FMN1: variants seen among roughly 807,000 people sequenced by gnomAD.
The protein encoded by FMN1 is formin-1.
In FMN1, 110 loss-of-function variants were observed where a neutral mutation model predicts 132.4. The ratio of observed to expected loss-of-function variants is 0.83; its 90% CI spans 0.71 to 0.97. The LOEUF (loss-of-function observed/expected upper bound fraction) is 0.97. Ranked by LOEUF, FMN1 falls within the 50% of genes least tolerant of loss-of-function variation. The pLI is 0.00. For synonymous variants in FMN1, 722 were observed against 651.7 expected, an observed-to-expected ratio of 1.11 and a Z score of -1.64; for missense variants, 1,792 against 1,705.3, an observed-to-expected ratio of 1.05 and a Z score of -0.90.
intron 16 of FMN1, among the ~76,000 whole-genome samples, chr15:32,858,093 A>T (rs1303776254): frequency 6.6e-6 from 1 of 152,238 alleles, no homozygotes; most frequent in Non-Finnish European, 1.5e-5. Flanking sequence ...CACAAAATAG[A>T]GAAACATATA....
intron 3 of FMN1, among the ~76,000 whole-genome samples, chr15:33,178,709 T>A (rs1965598268): frequency 6.6e-6 from 1 of 152,222 alleles, no homozygotes; most frequent in African/African-American, 2.4e-5. Context: ...ACCTGATAGA[T>A]ACACTGGCAT....
At chr15:33,030,272 G>A (rs917351957) in intron 6 of FMN1, among the ~76,000 whole-genome samples, 7 of 152,238 alleles carry the variant, frequency 4.6e-5, no homozygotes, top group Non-Finnish European at 1.5e-5. Flanking sequence ...GAAGTGAGGA[G>A]AGGCCGGAAT....
intron 3 of FMN1, among the ~76,000 whole-genome samples, chr15:33,178,441 T>A (rs1965589133): frequency 6.6e-6 from 1 of 152,222 alleles, no homozygotes; most frequent in Non-Finnish European, 1.5e-5. Flanking sequence ...CATATCCTGC[T>A]CTCGGTCTCA....
chr15:33,038,386 T>G (rs7181654), intron 6 of FMN1, among the ~76,000 whole-genome samples: 1,812 of 152,348 alleles, frequency 0.012, 42 homozygotes, highest in African/African-American at 0.041. Flanking sequence ...TACATGGTTC[T>G]TTTTCATCCC....
In FMN1 at chr15:33,075,020, C is replaced by CAAAAAAAAAAA. The variant is rs57504432; in HGVS notation, c.2044-9957_2044-9947dup. 1.4e-3 allele frequency among the ~76,000 whole-genome samples: 85 copies of CAAAAAAAAAAA among 61,666 alleles called. 5 individuals carry two copies. The highest frequency in any genetic ancestry group is 1.7e-3 in the Non-Finnish European group (60 of 35,294). 40.5% of individuals were successfully genotyped at this position (61,666 alleles called of 152,430 possible). On this transcript the variant is annotated intron_variant, in intron 5 of 20. Coordinates refer to ENST00000616417, the MANE Select transcript of FMN1 (RefSeq NM_001277313.2). Reference sequence around the variant, plus strand: ...TGGGCAACTGAGCAAGATTCCATCTCAAAAAAAAAAAAAAAAAAAAAAAAA... The same window carrying CAAAAAAAAAAA: ...TGGGCAACTGAGCAAGATTCCATCTCAAAAAAAAAAAAAAAAAAAAAAAAAAAAAAAAAAAA...
intron 7 of FMN1, among the ~76,000 whole-genome samples, chr15:32,972,410 T>C (rs759091485): frequency 2.0e-5 from 3 of 152,232 alleles, no homozygotes; most frequent in Non-Finnish European, 4.4e-5. Flanking sequence ...TGCTTTATTT[T>C]TGTCATTCAT....
intron 3 of FMN1, among the ~76,000 whole-genome samples, chr15:33,162,046 C>A (rs1276903721): frequency 1.3e-5 from 2 of 152,022 alleles, no homozygotes; most frequent in East Asian, 3.9e-4. Flanking sequence ...GGGTCTCGCT[C>A]TGTCACCCAC....
At chr15:32,808,856 T>C (rs1237117265) in intron 17 of FMN1, among the ~76,000 whole-genome samples, 8 of 151,946 alleles carry the variant, frequency 5.3e-5, no homozygotes, top group Non-Finnish European at 1.5e-5. Context: ...CTGCTTTCAG[T>C]AGACAAGAAT....
chr15:33,136,214 T>G (rs1404865869), intron 4 of FMN1, among the ~76,000 whole-genome samples: 1 of 152,206 alleles, frequency 6.6e-6, no homozygotes, highest in African/African-American at 2.4e-5. Flanking sequence ...GCTGTTTACT[T>G]AGCAAGGTAC....
intron 6 of FMN1, among the ~76,000 whole-genome samples, chr15:33,027,187 A>G (rs1193225472): frequency 1.3e-5 from 2 of 152,082 alleles, no homozygotes; most frequent in Non-Finnish European, 2.9e-5. Flanking sequence ...TACGGACAGC[A>G]CTCTGGTCTT....
intron 5 of FMN1, chr15:33,067,112 C>A: frequency 1.2e-6 from 2 of 1,613,982 alleles, no homozygotes; most frequent in Non-Finnish European, 1.7e-6. Flanking sequence ...AGAAGAGGCA[C>A]TCTCAGTGAT....
chr15:32,874,301 G>C (rs918882159), intron 16 of FMN1, among the ~76,000 whole-genome samples: 1 of 152,014 alleles, frequency 6.6e-6, no homozygotes, highest in African/African-American at 2.4e-5. Context: ...GATTACAGGT[G>C]TGAGCCACCA....
intron 7 of FMN1, among the ~76,000 whole-genome samples, chr15:32,995,091 C>T (rs1042322286): frequency 6.6e-6 from 1 of 151,748 alleles, no homozygotes; most frequent in East Asian, 1.9e-4. Context: ...CAGCCTATCA[C>T]ACAGAAGCAT....
intron 15 of FMN1, among the ~76,000 whole-genome samples, chr15:32,893,434 T>C (rs758134924): frequency 1.3e-5 from 2 of 152,254 alleles, no homozygotes; most frequent in Admixed American, 6.5e-5. Flanking sequence ...TGTATCAGGC[T>C]GGTAGCAGCT....
In FMN1 at chr15:32,899,892, G is replaced by A. The variant is rs532197167; in HGVS notation, c.3654+87C>T. On this transcript the variant is annotated intron_variant, in intron 14 of 20. Coordinates refer to ENST00000616417, the MANE Select transcript of FMN1 (RefSeq NM_001277313.2). ...GTTAAGGGGAGGATAGAGATAAATG[G>A]AACAATCTGGAATACGTTTTTTAAA... 5 of 1,341,180 alleles carry A rather than the reference G, an allele frequency of 3.7e-6. No individual in the cohort carries two copies. The African/African-American group carries it at 7.3e-5, about 20-fold the overall frequency. The allele number at this position is 1,341,180 out of a possible 1,614,324, so 83.1% of individuals were successfully genotyped here. A position where few individuals can be genotyped will look rare whatever the true frequency, so the allele number is the denominator to read the frequency against.
At chr15:32,990,593 G>C (rs2033372929) in intron 7 of FMN1, among the ~76,000 whole-genome samples, 1 of 152,186 alleles carries the variant, frequency 6.6e-6, no homozygotes, top group Non-Finnish European at 1.5e-5. Context: ...CTAATGTAAA[G>C]GATAGCTGAA....
intron 19 of FMN1, among the ~76,000 whole-genome samples, chr15:32,780,740 A>G (rs1427116501): frequency 6.6e-6 from 1 of 152,092 alleles, no homozygotes; most frequent in Non-Finnish European, 1.5e-5. Flanking sequence ...GAAACCCCTG[A>G]CCCAAAGGCT....
intron 7 of FMN1, among the ~76,000 whole-genome samples, chr15:32,979,555 CAAAAAAAAA>C (rs66993265): frequency 7.0e-5 from 4 of 57,448 alleles, no homozygotes; most frequent in Admixed American, 2.0e-4. Context: ...GACTCTGTCT[CAAAAAAAAA>C]AAAAAAAAAA....
rs535019021 is a variant in FMN1 at position 32,946,372 on chromosome 15, C to T, written c.3138+17735G>A. On this transcript the variant is annotated intron_variant, in intron 9 of 20. Transcript: ENST00000616417. ...TGACTGGAACCATGAGCATATGCAC[C>T]CAGAGGTTCTCTTAGATCAACAAGG... Among the ~76,000 whole-genome samples the T allele has an allele frequency of 2.6e-4, 40 of 152,192 alleles. 1 individual carries two copies. Among genetic ancestry groups the T allele is most frequent in the South Asian group, 6.2e-4 (3 of 4,816 alleles).
Sources: gnomAD v4.1 joint callset for allele counts (sites outside exome capture counted in the v4.1 genomes callset) on GRCh38, gnomAD v4.1.1 for gene constraint, MANE v1.5 for transcripts, NCBI Gene and HGNC (gene_info 2026-07-23, HGNC 2026-07-21) for gene names.